CYB5D2: variants seen among roughly 807,000 people sequenced by gnomAD.
The protein encoded by CYB5D2 is neuferricin.
Under a neutral mutation model 22.8 loss-of-function variants are expected in CYB5D2, and 23 were observed. That is an observed-to-expected ratio of 1.01 (90% confidence interval 0.73 to 1.43). CYB5D2 has a LOEUF of 1.43. Ranked by LOEUF, CYB5D2 falls within the 40% of genes most tolerant of loss-of-function variation. The probability of loss-of-function intolerance (pLI) is 0.00; values close to 1 mark genes in which losing one functional copy is unlikely to be tolerated. For missense variants in CYB5D2, 373 were observed against 357.2 expected (o/e 1.04, Z -0.36); for synonymous variants, 170 against 152.2 (o/e 1.12, Z -0.86).
Position 4,157,081 on chromosome 17 carries a change from A to C in CYB5D2, c.794A>C (p.Ter265SerextTer17). The C allele has an allele frequency of 6.2e-7, 1 of 1,612,182 alleles. No homozygotes were observed. The highest frequency in any genetic ancestry group is 8.5e-7 in the Non-Finnish European group (1 of 1,179,978). The part of the protein sequence containing the change: ...PLAITCSFPL[*>S] ...GCCATCACATGCTCCTTTCCACTCT[A>C]AGCCGTAGCCTCTTCTGTTAATAAC... The change falls in exon 4 of 4, where the codon TAA becomes TCA. Residue 265 changes from the stop codon to serine, a stop_lost. Transcript: ENST00000301391. The surrounding 1 kb of genome is among the most constrained non-coding windows in gnomAD (Gnocchi z 4.4).
At chr17:4,155,067 A>T (rs1251915794) in intron 3 of CYB5D2, among the ~76,000 whole-genome samples, 1 of 152,170 alleles carries the variant, frequency 6.6e-6, no homozygotes, top group Non-Finnish European at 1.5e-5. Flanking sequence ...CACTCCACTC[A>T]ACTGAATGGG....
chr17:4,155,663 C>T (rs1280052690), intron 3 of CYB5D2, among the ~76,000 whole-genome samples: 1 of 152,202 alleles, frequency 6.6e-6, no homozygotes, highest in Non-Finnish European at 1.5e-5. Flanking sequence ...CTTCCTGTGA[C>T]ACAGGCCTGA....
rs1264601000 is a variant in CYB5D2, at chr17:4,143,893, C to T, written c.138C>T (p.Tyr46=). 1 of 1,614,024 alleles carries T rather than the reference C, an allele frequency of 6.2e-7. No homozygotes were observed. The highest frequency in any genetic ancestry group is 8.5e-7 in the Non-Finnish European group (1 of 1,180,024). ...RLFIPEELSR[Y]RGGPGDPGLY... Reference sequence around the variant, plus strand: ...TCATACCGGAGGAGCTGTCTCGCTACCGCGGCGGCCCAGGGGACCCGGGCC... The same window carrying T: ...TCATACCGGAGGAGCTGTCTCGCTATCGCGGCGGCCCAGGGGACCCGGGCC... Residue 46 remains tyrosine (Y), a synonymous_variant, in exon 1 of 4, where the codon TAC becomes TAT. Coordinates refer to ENST00000301391, the MANE Select transcript of CYB5D2 (RefSeq NM_144611.4).
At position 4,144,001 on chromosome 17, in the gene CYB5D2, C is replaced by A. The variant is rs771398902; in HGVS notation, c.246C>A (p.Phe82Leu). 3 of 1,599,482 alleles carry A rather than the reference C, an allele frequency of 1.9e-6. No homozygotes were observed. In the African/African-American group the frequency reaches 4.0e-5, roughly 21 times the overall value. The change falls in exon 1 of 4, where the codon TTC (phenylalanine) becomes TTA (leucine). Residue 82 changes from phenylalanine to leucine, a missense_variant. Transcript: ENST00000301391. The part of the protein sequence containing the change: ...HYEPGSHYSG[F>L]AGRDASRAFV... ...AGCCTGGGTCCCACTATAGCGGCTT[C>A]GCAGGTATCAGCGAGGCTGCTCACG...
At chr17:4,151,166 A>T (rs1005418116) in intron 2 of CYB5D2, 6 of 152,056 alleles carry the variant, frequency 3.9e-5, no homozygotes, top group Admixed American at 6.6e-5. Context: ...CTTTTTCATA[A>T]TATCTAAAGT....
At chr17:4,150,358 G>C (rs1039294477) in intron 2 of CYB5D2, among the ~76,000 whole-genome samples, 1 of 152,138 alleles carries the variant, frequency 6.6e-6, no homozygotes, top group South Asian at 2.1e-4. Context: ...GATGCATCTG[G>C]CTTCAGCACA....
At chr17:4,152,417 C>G (rs768643087) in intron 2 of CYB5D2, among the ~76,000 whole-genome samples, 7 of 152,134 alleles carry the variant, frequency 4.6e-5, no homozygotes, top group Non-Finnish European at 8.8e-5. Flanking sequence ...TGAGGACAGC[C>G]AGGAAGCCAT....
chr17:4,146,152 G>A (rs192748288), intron 1 of CYB5D2, among the ~76,000 whole-genome samples: 241 of 152,294 alleles, frequency 1.6e-3, no homozygotes, highest in Middle Eastern at 6.8e-3. Context: ...CTGGAGTGCG[G>A]TGGCGCAATC....
At position 4,143,638 on chromosome 17, in the gene CYB5D2, CGCGCGAGAGAGAGAGCGAG is replaced by C. The variant is rs1205344108; in HGVS notation, c.-117_-99del. On this transcript the variant is annotated 5_prime_UTR_variant, in exon 1 of 4. Coordinates refer to ENST00000301391, the MANE Select transcript of CYB5D2 (RefSeq NM_144611.4). Reference sequence around the variant, plus strand: ...CTAAGGGAGGGAGCGCGAGCACTAGCGCGCGAGAGAGAGAGCGAGAGCGCGCGCGCCGATGACGTCACGC... The same window carrying C: ...CTAAGGGAGGGAGCGCGAGCACTAGCAGCGCGCGCGCCGATGACGTCACGC... 1.5e-5 allele frequency: 21 copies of C among 1,410,326 alleles called. No individual in the cohort carries two copies. In the East Asian group the frequency reaches 2.1e-4, roughly 14 times the overall value. 87.4% of individuals were successfully genotyped at this position (1,410,326 alleles called of 1,614,324 possible).
At position 4,148,749 on chromosome 17, in the gene CYB5D2, G is replaced by A. The variant is rs571767688; in HGVS notation, c.251-1142G>A. ...TGAGGCAGGCAAATCGCTTGAACCC[G>A]TGAGGCAGAGGATGCAGTGAGACAA... On this transcript the variant is annotated intron_variant, in intron 1 of 3. Transcript: ENST00000301391. Among the ~76,000 whole-genome samples, 198 of 152,274 alleles carry A rather than the reference G, an allele frequency of 1.3e-3. 1 individual carries two copies. Among genetic ancestry groups the A allele is most frequent in the South Asian group, 2.3e-3 (11 of 4,828 alleles).
chr17:4,143,534 A>G lies in CYB5D2; in HGVS notation c.-222A>G, dbSNP rs1488831777. 3.8e-6 allele frequency: 2 copies of G among 525,862 alleles called. No homozygotes were observed. The highest frequency in any genetic ancestry group is 7.9e-5 in the Admixed American group (2 of 25,278). 32.6% of individuals were successfully genotyped at this position (525,862 alleles called of 1,614,324 possible). A position where few individuals can be genotyped will look rare whatever the true frequency, so the allele number is the denominator to read the frequency against. Reference sequence around the variant, plus strand: ...AGAGCTAAAACTCTGTCTCAGAAAAAAAAAAAAAAAGTACCTGGAAAAAGT... The same window carrying G: ...AGAGCTAAAACTCTGTCTCAGAAAAGAAAAAAAAAAGTACCTGGAAAAAGT... On this transcript the variant is annotated 5_prime_UTR_variant, in exon 1 of 4. Coordinates refer to ENST00000301391, the MANE Select transcript of CYB5D2 (RefSeq NM_144611.4).
chr17:4,148,902 A>G (rs1007877924), intron 1 of CYB5D2, among the ~76,000 whole-genome samples: 10 of 152,046 alleles, frequency 6.6e-5, no homozygotes, highest in Admixed American at 3.9e-4. Flanking sequence ...TGGAGTAGAT[A>G]CAGGTTTCCT....
Position 4,143,926 on chromosome 17 carries a change from G to C in CYB5D2, c.171G>C (p.Leu57Phe). ...GCCCAGGGGACCCGGGCCTGTACTT[G>C]GCGTTGCTCGGCCGTGTCTACGATG... ...RGGPGDPGLYLALLGRVYDVS... is the reference protein window; with the variant it reads ...RGGPGDPGLYFALLGRVYDVS... Residue 57 changes from leucine (L) to phenylalanine (F), a missense_variant, in exon 1 of 4, where the codon TTG becomes TTC. Coordinates refer to ENST00000301391, the MANE Select transcript of CYB5D2 (RefSeq NM_144611.4). The C allele has an allele frequency of 6.2e-7, 1 of 1,613,702 alleles. No homozygotes were observed.
chr17:4,155,856 T>C (rs1364549792), intron 3 of CYB5D2, among the ~76,000 whole-genome samples: 1 of 152,268 alleles, frequency 6.6e-6, no homozygotes, highest in Non-Finnish European at 1.5e-5. Context: ...GTTCAGGCTC[T>C]GCCTTCCCCA....
At chr17:4,151,504 A>G (rs1243595855) in intron 2 of CYB5D2, among the ~76,000 whole-genome samples, 2 of 152,066 alleles carry the variant, frequency 1.3e-5, no homozygotes, top group Non-Finnish European at 2.9e-5. Flanking sequence ...CCTGGCCAAC[A>G]TGGTGAAACC....
chr17:4,154,146 C>T (rs2059087531), intron 2 of CYB5D2, among the ~76,000 whole-genome samples: 1 of 152,204 alleles, frequency 6.6e-6, no homozygotes, highest in African/African-American at 2.4e-5. Flanking sequence ...TTTACAAATT[C>T]TGACAGGCAT....
At chr17:4,147,721 C>T (rs1480318631) in intron 1 of CYB5D2, among the ~76,000 whole-genome samples, 6 of 152,170 alleles carry the variant, frequency 3.9e-5, no homozygotes, top group African/African-American at 7.2e-5. Flanking sequence ...GGCATGGTGG[C>T]GCATGCCTGT....
In CYB5D2 at chr17:4,157,247, G is replaced by A. The variant is rs1389505391; in HGVS notation, c.*165G>A. The A allele has an allele frequency of 2.6e-6, 2 of 782,988 alleles. No homozygotes were observed. Among genetic ancestry groups the A allele is most frequent in the Non-Finnish European group, 4.0e-6 (2 of 495,634 alleles). 48.5% of individuals were successfully genotyped at this position (782,988 alleles called of 1,614,324 possible). ...GGCTCATGCCCCTTACCGTGGCTCGGCGTTGTGGTGCCTGAGGGACAGCCG... is the reference window on the plus strand; with the variant it reads ...GGCTCATGCCCCTTACCGTGGCTCGACGTTGTGGTGCCTGAGGGACAGCCG... On this transcript the variant is annotated 3_prime_UTR_variant, in exon 4 of 4. Coordinates refer to ENST00000301391, the MANE Select transcript of CYB5D2 (RefSeq NM_144611.4). The surrounding 1 kb of genome is among the most constrained non-coding windows in gnomAD (Gnocchi z 4.4).
intron 2 of CYB5D2, among the ~76,000 whole-genome samples, chr17:4,150,403 C>T (rs1287847287): frequency 6.6e-6 from 1 of 152,190 alleles, no homozygotes. Context: ...ATTTGTGTTT[C>T]GACAAATCCC....
Sources: gnomAD v4.1 joint callset for allele counts (sites outside exome capture counted in the v4.1 genomes callset) on GRCh38, gnomAD v4.1.1 for gene constraint, Gnocchi (gnomAD v3.1) non-coding constraint, MANE v1.5 for transcripts, NCBI Gene and HGNC (gene_info 2026-07-23, HGNC 2026-07-21) for gene names.